NCKAP5: variants seen among roughly 807,000 people sequenced by gnomAD.
NCKAP5 encodes nck-associated protein 5.
In NCKAP5, 92 loss-of-function variants were observed where a neutral mutation model predicts 167.0. That is an observed-to-expected ratio of 0.55 (90% CI 0.47 to 0.66). The LOEUF is 0.66. NCKAP5 is among the 30% of genes least tolerant of loss of function. NCKAP5 has a pLI of 0.00. For missense variants in NCKAP5, 2,378 were observed against 2,315.0 expected (o/e 1.03, Z -0.56); for synonymous variants, 891 against 877.4 (o/e 1.02, Z -0.27).
At chr2:132,832,772 T>TG (rs1687613267) in intron 11 of NCKAP5, among the ~76,000 whole-genome samples, 1 of 152,220 alleles carries the variant, frequency 6.6e-6, no homozygotes, top group African/African-American at 2.4e-5. Flanking sequence ...AATCTGTTGT[T>TG]GGACACTTAG....
At chr2:133,595,522 A>C in the NCKAP5 span, among the ~76,000 whole-genome samples, 6 of 150,972 alleles carry the variant, frequency 4.0e-5, no homozygotes, top group Non-Finnish European at 8.8e-5. Flanking sequence ...TTAAGATGGC[A>C]AAGCAGGAAA....
chr2:133,471,391 G>A (rs990427425), intron 3 of NCKAP5, among the ~76,000 whole-genome samples: 4 of 152,150 alleles, frequency 2.6e-5, no homozygotes, highest in Admixed American at 2.6e-4. Flanking sequence ...GGTGGAGAGA[G>A]ATCTGGAGCC....
Position 133,358,136 on chromosome 2 carries a change from T to G in NCKAP5, c.70-55026A>C, listed in dbSNP as rs533736910. ...CCAATATAAGTCTGCATACATTTTA[T>G]TATTTGCTGCATTACATTGAAATTA... On this transcript the variant is annotated intron_variant, in intron 3 of 19. Transcript: ENST00000409261. 3.3e-5 allele frequency among the ~76,000 whole-genome samples: 5 copies of G among 152,332 alleles called. No individual in the cohort carries two copies. The East Asian group carries it at 9.6e-4, about 29-fold the overall frequency.
intron 7 of NCKAP5, among the ~76,000 whole-genome samples, chr2:132,968,424 C>T (rs1184883897): frequency 6.6e-6 from 1 of 152,120 alleles, no homozygotes; most frequent in Non-Finnish European, 1.5e-5. Context: ...GGGTCAGATG[C>T]CCTGAATTCA....
chr2:132,994,306 G>T, intron 6 of NCKAP5, 67 bp from the exon 7 acceptor site: 1 of 1,139,808 alleles, frequency 8.8e-7, no homozygotes, highest in Non-Finnish European at 1.2e-6. Flanking sequence ...CACTCGAGTT[G>T]TAGAAATCAC....
At chr2:133,581,326 A>G in the NCKAP5 span, among the ~76,000 whole-genome samples, 1 of 152,140 alleles carries the variant, frequency 6.6e-6, no homozygotes, top group African/African-American at 2.4e-5. Context: ...CCTCATCCCC[A>G]TCCACTTCCT....
intron 3 of NCKAP5, among the ~76,000 whole-genome samples, chr2:133,438,432 T>C (rs1476177460): frequency 6.6e-6 from 1 of 152,236 alleles, no homozygotes; most frequent in Admixed American, 6.5e-5. Context: ...ACACATCGTA[T>C]CATCAGACTG....
chr2:133,617,915 T>C, the NCKAP5 span, among the ~76,000 whole-genome samples: 1 of 152,128 alleles, frequency 6.6e-6, no homozygotes, highest in South Asian at 2.1e-4. Context: ...ACTACAAGGC[T>C]ACAGTAACCA....
At chr2:133,231,876 C>T (rs1275819021) in intron 4 of NCKAP5, among the ~76,000 whole-genome samples, 1 of 152,106 alleles carries the variant, frequency 6.6e-6, no homozygotes, top group Non-Finnish European at 1.5e-5. Context: ...GAGTTTGTTC[C>T]CTTTAATTTT....
At chr2:133,431,745 A>C (rs1371467181) in intron 3 of NCKAP5, 1 of 152,140 alleles carries the variant, frequency 6.6e-6, no homozygotes, top group East Asian at 1.9e-4. Flanking sequence ...CCTTCTTCAT[A>C]ATACCATCAT....
intron 8 of NCKAP5, among the ~76,000 whole-genome samples, chr2:132,900,126 C>T (rs1693504735): frequency 6.6e-6 from 1 of 151,986 alleles, no homozygotes; most frequent in Non-Finnish European, 1.5e-5. Context: ...CTTCATGGTG[C>T]CCCAAAACAA....
chr2:133,065,965 C>T (rs899825829), intron 6 of NCKAP5, among the ~76,000 whole-genome samples: 5 of 152,204 alleles, frequency 3.3e-5, no homozygotes, highest in South Asian at 2.1e-4. Context: ...ATGGGAACTG[C>T]TAATTCTATT....
intron 11 of NCKAP5, among the ~76,000 whole-genome samples, chr2:132,838,784 T>G (rs1574382431): frequency 6.6e-6 from 1 of 152,224 alleles, no homozygotes; most frequent in Non-Finnish European, 1.5e-5. Context: ...GTAAGTACTT[T>G]TAATTTGAAT....
chr2:132,780,939 T>C (rs1682975767), intron 15 of NCKAP5, 113 bp downstream of exon 15: 1 of 1,086,652 alleles, frequency 9.2e-7, no homozygotes, highest in Non-Finnish European at 1.3e-6. Flanking sequence ...TGACCTTTTC[T>C]TTCCCCCAGT....
the NCKAP5 span, among the ~76,000 whole-genome samples, chr2:133,605,480 G>T: frequency 6.6e-6 from 1 of 152,176 alleles, no homozygotes; most frequent in Non-Finnish European, 1.5e-5. Flanking sequence ...GGGGTGTGTG[G>T]TGGGGGGAAG....
chr2:133,330,296 G>T (rs1320779239), intron 3 of NCKAP5, among the ~76,000 whole-genome samples: 1 of 137,376 alleles, frequency 7.3e-6, no homozygotes. Flanking sequence ...TGTGTCACAG[G>T]CTGGTCTCAA....
chr2:133,606,062 T>C, the NCKAP5 span, among the ~76,000 whole-genome samples: 16 of 152,276 alleles, frequency 1.1e-4, no homozygotes, highest in East Asian at 2.5e-3. Context: ...AAGTTAACAG[T>C]GGAAAAGGCT....
At position 132,794,257 on chromosome 2, in the gene NCKAP5, TATATATAGAGAG is replaced by T. The variant is rs1426478113; in HGVS notation, c.909+2359_909+2370del. On this transcript the variant is annotated intron_variant, in intron 12 of 19. Coordinates refer to ENST00000409261, the MANE Select transcript of NCKAP5 (RefSeq NM_207363.3). ...ATATATATATATATATATATATATA[TATATATAGAGAG>T]AGAGAGAGAGAGAGAGAGAGAGAGA... 2.1e-3 allele frequency among the ~76,000 whole-genome samples: 86 copies of T among 40,960 alleles called. No homozygotes were observed. In the East Asian group the frequency reaches 0.03, roughly 14 times the overall value. 26.9% of individuals were successfully genotyped at this position (40,960 alleles called of 152,430 possible). A position where few individuals can be genotyped will look rare whatever the true frequency, so the allele number is the denominator to read the frequency against.
chr2:133,160,433 C>CTTT, intron 5 of NCKAP5, among the ~76,000 whole-genome samples: 1 of 100,856 alleles, frequency 9.9e-6, no homozygotes, highest in South Asian at 3.4e-4. Flanking sequence ...CTTTTCCTTT[C>CTTT]TTTTTCTTTT....
Sources: gnomAD v4.1 joint callset for allele counts (sites outside exome capture counted in the v4.1 genomes callset) on GRCh38, gnomAD v4.1.1 for gene constraint, MANE v1.5 for transcripts, NCBI Gene and HGNC (gene_info 2026-07-23, HGNC 2026-07-21) for gene names.